The following PAK3 variants were observed in gnomAD, a reference collection of about 807,000 sequenced individuals.
The protein encoded by PAK3 is serine/threonine-protein kinase PAK 3.
PAK3 carries 4 observed loss-of-function variants against 41.0 expected under a neutral mutation model. That is an observed-to-expected ratio of 0.10 (90% CI 0.05 to 0.22). The LOEUF (loss-of-function observed/expected upper bound fraction) is 0.22, where lower values mean the gene tolerates loss of function less well. PAK3 is among the 10% of genes least tolerant of loss of function. PAK3 has a pLI of 1.00. For missense variants in PAK3, 205 were observed against 409.9 expected, an observed-to-expected ratio of 0.50 and a Z score of 4.32; for synonymous variants, 146 against 139.6, an observed-to-expected ratio of 1.05 and a Z score of -0.32.
At chrX:111,122,531 T>C (rs1282296438) in intron 4 of PAK3, among the ~76,000 whole-genome samples, 3 of 110,885 alleles carry the variant, frequency 2.7e-5, no homozygotes, top group Non-Finnish European at 5.7e-5. Context: ...ATCTATGGGA[T>C]GGTTTCTCGG....
chrX:111,071,000 G>A (rs929258752), intron 1 of PAK3, among the ~76,000 whole-genome samples: 48 of 112,044 alleles, frequency 4.3e-4, no homozygotes, highest in Non-Finnish European at 9.4e-5. Flanking sequence ...CTTTAATGAA[G>A]CAATACTTTC....
chrX:111,019,880 T>C (rs1189542212), intron 1 of PAK3, among the ~76,000 whole-genome samples: 1 of 110,873 alleles, frequency 9.0e-6, no homozygotes, highest in African/African-American at 3.3e-5. Flanking sequence ...ATGGCCATTT[T>C]ACAAACCACA....
intron 6 of PAK3, chrX:111,146,420 T>TC: frequency 1.8e-6 from 1 of 567,369 alleles, no homozygotes; most frequent in Non-Finnish European, 3.0e-6. Context: ...TAGAAGGGAC[T>TC]CCCCCCATTC....
chrX:110,996,820 T>A (rs778437055), intron 1 of PAK3, among the ~76,000 whole-genome samples: 169 of 112,163 alleles, frequency 1.5e-3, no homozygotes, highest in Non-Finnish European at 2.6e-3. Context: ...GGGATAAATG[T>A]CTGTTGTTCA....
rs2094938461 is a variant in PAK3, at chrX:111,223,589, G to GT, written c.*3145dup. The GT allele has an allele frequency of 1.8e-5, 2 of 110,460 alleles. No individual in the cohort carries two copies. Among genetic ancestry groups the GT allele is most frequent in the African/African-American group, 6.6e-5 (2 of 30,322 alleles). 9.1% of individuals were successfully genotyped at this position (110,460 alleles called of 1,213,427 possible). ...TTGTGAACTGCACCCCAATGTTTGAGTTTAACCACCTGATCCTTACATCTA... is the reference window on the plus strand; with the variant it reads ...TTGTGAACTGCACCCCAATGTTTGAGTTTTAACCACCTGATCCTTACATCTA... On this transcript the variant is annotated 3_prime_UTR_variant, in exon 18 of 18. Coordinates refer to ENST00000372007, the MANE Select transcript of PAK3 (RefSeq NM_002578.5).
chrX:110,987,115 T>G (rs1374112894), intron 1 of PAK3, among the ~76,000 whole-genome samples: 1 of 112,058 alleles, frequency 8.9e-6, no homozygotes. Flanking sequence ...AACATTTTGC[T>G]CAGCAGAGAC....
At chrX:111,046,920 C>G (rs994151003) in intron 1 of PAK3, among the ~76,000 whole-genome samples, 1 of 111,714 alleles carries the variant, frequency 9.0e-6, no homozygotes, top group Admixed American at 9.5e-5. Context: ...GTACATAGCT[C>G]TCTGCATGCC....
intron 5 of PAK3, among the ~76,000 whole-genome samples, chrX:111,141,493 G>A (rs1281366006): frequency 8.9e-6 from 1 of 111,832 alleles, no homozygotes; most frequent in African/African-American, 3.2e-5. Flanking sequence ...CTTTTTACTA[G>A]CAAAGTGCTG....
At chrX:111,160,825 A>T (rs1388263376) in intron 8 of PAK3, among the ~76,000 whole-genome samples, 146 of 111,852 alleles carry the variant, frequency 1.3e-3, no homozygotes, top group Non-Finnish European at 2.5e-3. Flanking sequence ...ATAGTATTCC[A>T]TGGTGTATAT....
intron 11 of PAK3, among the ~76,000 whole-genome samples, chrX:111,187,591 A>G (rs2094522768): frequency 9.0e-6 from 1 of 111,443 alleles, no homozygotes; most frequent in Non-Finnish European, 1.9e-5. Context: ...GCTTTAATAG[A>G]TGAATCTTGA....
intron 1 of PAK3, among the ~76,000 whole-genome samples, chrX:111,027,416 C>T (rs2092286384): frequency 1.8e-5 from 2 of 111,765 alleles, no homozygotes; most frequent in African/African-American, 6.5e-5. Context: ...ACAATCTATA[C>T]ATCTGACAAA....
intron 1 of PAK3, among the ~76,000 whole-genome samples, chrX:111,020,430 A>G (rs2092159534): frequency 9.0e-6 from 1 of 111,511 alleles, no homozygotes; most frequent in Non-Finnish European, 1.9e-5. Flanking sequence ...GTTATTGGGT[A>G]TACAGTTTCA....
At chrX:111,083,030 A>C (rs1489089738) in intron 1 of PAK3, among the ~76,000 whole-genome samples, 1 of 112,585 alleles carries the variant, frequency 8.9e-6, no homozygotes, top group Non-Finnish European at 1.9e-5. Flanking sequence ...GAAATATTTA[A>C]AAGAAATTAT....
intron 5 of PAK3, among the ~76,000 whole-genome samples, chrX:111,132,506 A>ATT (rs1406694708): frequency 9.0e-6 from 1 of 110,804 alleles, no homozygotes; most frequent in Non-Finnish European, 1.9e-5. Flanking sequence ...CAAGCTAGGG[A>ATT]TTATGAGATA....
chrX:111,153,619 A>G (rs900833809), intron 8 of PAK3, among the ~76,000 whole-genome samples: 1 of 111,973 alleles, frequency 8.9e-6, no homozygotes, highest in Non-Finnish European at 1.9e-5. Flanking sequence ...TCTTCCTTTT[A>G]TAGCAGACCA....
In PAK3 at chrX:111,162,897, C is replaced by T; in HGVS notation, c.469-18C>T. 3 of 1,197,866 alleles carry T rather than the reference C, an allele frequency of 2.5e-6. No individual in the cohort carries two copies. The highest frequency in any genetic ancestry group is 3.4e-6 in the Non-Finnish European group (3 of 883,156). On this transcript the variant is annotated intron_variant, in intron 8 of 17. Transcript: ENST00000372007. ...GAGGAGTTAATACCTGATCTTTAAA[C>T]TTTGTTTTTGTCACAAGAGTACAAA...
intron 10 of PAK3, among the ~76,000 whole-genome samples, chrX:111,167,642 C>A: frequency 9.4e-6 from 1 of 106,584 alleles, no homozygotes; most frequent in Non-Finnish European, 1.9e-5. Context: ...CCAAACACTG[C>A]ATGTTCTCAC....
intron 10 of PAK3, among the ~76,000 whole-genome samples, chrX:111,165,032 G>A (rs1460744698): frequency 9.0e-6 from 1 of 111,313 alleles, no homozygotes; most frequent in Non-Finnish European, 1.9e-5. Context: ...ACTGCTAGTA[G>A]CATATAATGG....
At chrX:110,947,507 G>A (rs2090643782) in intron 1 of PAK3, among the ~76,000 whole-genome samples, 1 of 111,299 alleles carries the variant, frequency 9.0e-6, no homozygotes, top group Non-Finnish European at 1.9e-5. Flanking sequence ...TAGAATGTTA[G>A]TAGGGCACAC....
Sources: gnomAD v4.1 joint callset for allele counts (sites outside exome capture counted in the v4.1 genomes callset) on GRCh38, gnomAD v4.1.1 for gene constraint, MANE v1.5 for transcripts, NCBI Gene and HGNC (gene_info 2026-07-23, HGNC 2026-07-21) for gene names.